KCNN2: variants seen among roughly 807,000 people sequenced by gnomAD.
KCNN2 encodes the protein potassium calcium-activated channel subfamily N member 2, also known as small conductance calcium-activated potassium channel protein 2.
In KCNN2, 24 loss-of-function variants were observed where a neutral mutation model predicts 55.5. The ratio of observed to expected loss-of-function variants is 0.43; its 90% CI spans 0.31 to 0.61. KCNN2 has a LOEUF of 0.61. KCNN2 is among the 20% of genes least tolerant of loss of function. The pLI, the probability that KCNN2 is intolerant of heterozygous loss-of-function variation, is 0.08. For synonymous variants in KCNN2, 431 were observed against 336.1 expected (o/e 1.28, Z -3.09); for missense variants, 754 against 853.6 (o/e 0.88, Z 1.45).
intron 1 of KCNN2, among the ~76,000 whole-genome samples, chr5:114,182,484 T>C (rs1030827327): frequency 1.3e-5 from 2 of 152,122 alleles, no homozygotes; most frequent in African/African-American, 4.8e-5. Flanking sequence ...CTTAACAATA[T>C]TGAGCCTTCC....
At chr5:114,168,952 A>T (rs1023847927) in intron 1 of KCNN2, among the ~76,000 whole-genome samples, 1 of 152,064 alleles carries the variant, frequency 6.6e-6, no homozygotes, top group African/African-American at 2.4e-5. Flanking sequence ...GTGGGAGGTG[A>T]CTGGATCATG....
chr5:114,363,096 C>T lies in KCNN2; in HGVS notation c.957C>T (p.Thr319=), dbSNP rs376378385. Residue 319 remains threonine, a synonymous_variant, in exon 1 of 8, where the codon ACC becomes ACT. Coordinates refer to ENST00000673685, the MANE Select transcript of KCNN2 (RefSeq NM_021614.4). ...GGSGHGSSSG[T]KSSKKKNQNI... ...GCGGGCACGGCAGCAGCAGTGGCAC[C>T]AAGTCCAGCAAAAAGAAAAACCAGA... 126 of 1,612,416 alleles carry T rather than the reference C, an allele frequency of 7.8e-5. No homozygotes were observed. The highest frequency in any genetic ancestry group is 1.1e-4 in the Non-Finnish European group (124 of 1,179,910).
intron 2 of KCNN2, among the ~76,000 whole-genome samples, chr5:114,241,191 A>G (rs756388622): frequency 6.6e-6 from 1 of 151,914 alleles, no homozygotes; most frequent in Non-Finnish European, 1.5e-5. Flanking sequence ...TCTGGATAAA[A>G]TAACTCTAAT....
intron 3 of KCNN2, among the ~76,000 whole-genome samples, chr5:114,436,100 A>G (rs1308034820): frequency 6.6e-6 from 1 of 152,220 alleles, no homozygotes; most frequent in Non-Finnish European, 1.5e-5. Context: ...TGGGTCAGTC[A>G]GGGTCACCTC....
intron 7 of KCNN2, among the ~76,000 whole-genome samples, chr5:114,494,180 A>G (rs961220117): frequency 2.0e-5 from 3 of 152,046 alleles, no homozygotes; most frequent in Non-Finnish European, 4.4e-5. Flanking sequence ...AGGTGGTATT[A>G]GAATAGCATT....
At chr5:114,157,171 G>A (rs1199010104) in intron 1 of KCNN2, among the ~76,000 whole-genome samples, 1 of 108,672 alleles carries the variant, frequency 9.2e-6, no homozygotes, top group South Asian at 3.0e-4. Context: ...CTACCCTACA[G>A]CAGTCCCTGG....
At chr5:114,359,390 G>A (rs930484373), upstream of KCNN2, among the ~76,000 whole-genome samples, 14 of 152,090 alleles carry the variant, frequency 9.2e-5, no homozygotes, top group African/African-American at 3.4e-4. Context: ...ATTTCTACAT[G>A]ATTTCTACAT....
intron 1 of KCNN2, among the ~76,000 whole-genome samples, chr5:114,190,601 A>G (rs1028081938): frequency 5.3e-5 from 8 of 152,072 alleles, no homozygotes; most frequent in African/African-American, 1.9e-4. Flanking sequence ...TCTACATAGA[A>G]CCCACTGTAT....
chr5:114,457,297 A>T (rs904005452), intron 3 of KCNN2, among the ~76,000 whole-genome samples: 1 of 152,184 alleles, frequency 6.6e-6, no homozygotes, highest in African/African-American at 2.4e-5. Flanking sequence ...AATCCATAGA[A>T]TTTTTGAGCA....
intron 1 of KCNN2, among the ~76,000 whole-genome samples, chr5:114,142,946 C>G (rs181563151): frequency 1.3e-5 from 2 of 152,260 alleles, no homozygotes; most frequent in South Asian, 4.1e-4. Context: ...GGAGGCATCA[C>G]GCTACCTGTA....
intron 1 of KCNN2, among the ~76,000 whole-genome samples, chr5:114,112,333 TG>T (rs973572676): frequency 4.0e-5 from 6 of 150,486 alleles, no homozygotes; most frequent in African/African-American, 1.2e-4. Flanking sequence ...TGTTTGGAGG[TG>T]GGGGGCTGGG....
intron 2 of KCNN2, among the ~76,000 whole-genome samples, chr5:114,342,133 C>A (rs1757028439): frequency 6.6e-6 from 1 of 152,110 alleles, no homozygotes; most frequent in African/African-American, 2.4e-5. Flanking sequence ...GATCTCCTGA[C>A]CTCGTGATCC....
At chr5:114,312,434 CATATATATATATATAT>C (rs59964515) in intron 2 of KCNN2, among the ~76,000 whole-genome samples, 36 of 23,404 alleles carry the variant, frequency 1.5e-3, no homozygotes, top group African/African-American at 5.0e-3. Flanking sequence ...CACACACACA[CATATATATATATATAT>C]ATATATATAT....
At chr5:114,178,021 T>C (rs920666683) in intron 1 of KCNN2, among the ~76,000 whole-genome samples, 9 of 152,216 alleles carry the variant, frequency 5.9e-5, no homozygotes, top group African/African-American at 2.2e-4. Flanking sequence ...TTTAATTTAG[T>C]CATGAAAGAC....
intron 3 of KCNN2, among the ~76,000 whole-genome samples, chr5:114,424,574 C>T (rs931176923): frequency 4.1e-4 from 63 of 152,154 alleles, no homozygotes; most frequent in African/African-American, 1.4e-3. Flanking sequence ...AAATGCTGCT[C>T]ATATTTTAGA....
At chr5:114,465,626 AAAG>A (rs1459053233) in intron 4 of KCNN2, among the ~76,000 whole-genome samples, 2 of 152,060 alleles carry the variant, frequency 1.3e-5, no homozygotes, top group Non-Finnish European at 2.9e-5. Flanking sequence ...AAAAAAAAAA[AAAG>A]AGAGAGGTTA....
chr5:114,384,202 T>G (rs890231694), intron 2 of KCNN2, among the ~76,000 whole-genome samples: 3 of 152,364 alleles, frequency 2.0e-5, no homozygotes, highest in Middle Eastern at 3.4e-3. Context: ...TAAAAACTTA[T>G]GATATTCAAA....
intron 1 of KCNN2, among the ~76,000 whole-genome samples, chr5:114,160,161 A>G (rs1031181777): frequency 2.9e-4 from 44 of 152,100 alleles, no homozygotes; most frequent in Non-Finnish European, 5.7e-4. Flanking sequence ...ATTTCCCTCT[A>G]CATACTGCTT....
At chr5:114,344,461 A>G (rs1263123726) in intron 2 of KCNN2, among the ~76,000 whole-genome samples, 1 of 152,196 alleles carries the variant, frequency 6.6e-6, no homozygotes, top group African/African-American at 2.4e-5. Context: ...GACAATATGC[A>G]TGGAGTATTA....
Sources: allele counts gnomAD v4.1 joint callset (sites outside exome capture counted in the v4.1 genomes callset), GRCh38; gene constraint gnomAD v4.1.1; transcripts MANE v1.5; gene names NCBI Gene and HGNC (gene_info 2026-07-23, HGNC 2026-07-21).